TAFA4: variants seen among roughly 807,000 people sequenced by gnomAD.
The protein encoded by TAFA4 is TAFA chemokine like family member 4.
A neutral mutation model predicts 21.1 loss-of-function variants in TAFA4; 20 were observed. That is an observed-to-expected ratio of 0.95 (90% CI 0.67 to 1.38). TAFA4 has a LOEUF of 1.38. Ranked by LOEUF, TAFA4 falls within the 40% of genes most tolerant of loss-of-function variation. The probability of loss-of-function intolerance (pLI) is 0.00; values close to 1 mark genes in which losing one functional copy is unlikely to be tolerated. For synonymous variants in TAFA4, 71 were observed against 67.4 expected, an observed-to-expected ratio of 1.05 and a Z score of -0.26; for missense variants, 211 against 180.9, an observed-to-expected ratio of 1.17 and a Z score of -0.95.
intron 1 of TAFA4, among the ~76,000 whole-genome samples, chr3:68,925,741 T>G (rs1250273542): frequency 1.3e-5 from 2 of 152,314 alleles, no homozygotes; most frequent in Non-Finnish European, 2.9e-5. Context: ...CACTGATTTG[T>G]CATCTTTCCT....
At chr3:68,811,861 A>G (rs1703848273) in intron 3 of TAFA4, among the ~76,000 whole-genome samples, 1 of 152,142 alleles carries the variant, frequency 6.6e-6, no homozygotes, top group African/African-American at 2.4e-5. Context: ...CAACTCCAAG[A>G]CACACAATTG....
At chr3:68,742,772 T>C (rs983431140) in intron 4 of TAFA4, among the ~76,000 whole-genome samples, 3 of 152,192 alleles carry the variant, frequency 2.0e-5, no homozygotes, top group Non-Finnish European at 4.4e-5. Flanking sequence ...ATGAAAAAAC[T>C]GAGGTCCAGG....
intron 3 of TAFA4, among the ~76,000 whole-genome samples, chr3:68,824,914 G>A (rs1704192964): frequency 6.6e-6 from 1 of 152,034 alleles, no homozygotes. Context: ...TTCTCAACTC[G>A]CTGTCCGATG....
chr3:68,782,542 A>C (rs1048030844), intron 3 of TAFA4, among the ~76,000 whole-genome samples: 1 of 152,254 alleles, frequency 6.6e-6, no homozygotes, highest in Admixed American at 6.5e-5. Context: ...TCATACAATA[A>C]ATTATCCAGT....
intron 3 of TAFA4, among the ~76,000 whole-genome samples, chr3:68,791,141 T>C (rs1703353625): frequency 6.6e-6 from 1 of 152,204 alleles, no homozygotes; most frequent in South Asian, 2.1e-4. Flanking sequence ...ACACTGTCCA[T>C]GCTCTCTGCA....
intron 1 of TAFA4, among the ~76,000 whole-genome samples, chr3:68,910,454 G>A (rs4582067): frequency 0.97 from 148,092 of 152,306 alleles, 72,137 homozygotes; most frequent in Middle Eastern, 1. Context: ...TCTCCTCAAT[G>A]GCATTGAAAC....
At chr3:68,788,497 G>C (rs1703302806) in intron 3 of TAFA4, among the ~76,000 whole-genome samples, 1 of 152,118 alleles carries the variant, frequency 6.6e-6, no homozygotes, top group Non-Finnish European at 1.5e-5. Context: ...TTTACTTTTT[G>C]CTTTTGTTGC....
chr3:68,851,985 A>G (rs1704961587), intron 3 of TAFA4, among the ~76,000 whole-genome samples: 1 of 152,192 alleles, frequency 6.6e-6, no homozygotes, highest in South Asian at 2.1e-4. Context: ...CTCTGACTCT[A>G]TCTGTCTGGG....
At chr3:68,774,606 G>C (rs1575603371) in intron 3 of TAFA4, among the ~76,000 whole-genome samples, 1 of 152,114 alleles carries the variant, frequency 6.6e-6, no homozygotes, top group African/African-American at 2.4e-5. Context: ...TCAACAAATG[G>C]TATTGGGTCA....
At chr3:68,773,041 G>T (rs914900274) in intron 3 of TAFA4, among the ~76,000 whole-genome samples, 2 of 152,156 alleles carry the variant, frequency 1.3e-5, no homozygotes, top group Non-Finnish European at 2.9e-5. Context: ...TAAAAGTCAT[G>T]ATTAACTCCA....
intron 3 of TAFA4, among the ~76,000 whole-genome samples, chr3:68,806,969 G>C (rs904271354): frequency 5.9e-5 from 9 of 152,200 alleles, no homozygotes; most frequent in Non-Finnish European, 1.3e-4. Context: ...CCAGAAACTA[G>C]TCTAGGAGCT....
intron 1 of TAFA4, among the ~76,000 whole-genome samples, chr3:68,923,990 C>T (rs998018722): frequency 6.6e-6 from 1 of 152,134 alleles, no homozygotes; most frequent in Admixed American, 6.5e-5. Context: ...TGTAGGACTT[C>T]AGGAGAATTA....
chr3:68,883,029 T>G (rs953254457), intron 2 of TAFA4: 3 of 152,276 alleles, frequency 2.0e-5, no homozygotes, highest in South Asian at 2.1e-4. Context: ...CGGGCCTAGT[T>G]AGAGCTTGGA....
At chr3:68,780,557 C>G (rs1202278847) in intron 3 of TAFA4, among the ~76,000 whole-genome samples, 1 of 152,206 alleles carries the variant, frequency 6.6e-6, no homozygotes, top group Non-Finnish European at 1.5e-5. Context: ...CCTGCACAAG[C>G]TCTCTCATTC....
chr3:68,877,663 T>C (rs1466122607), intron 3 of TAFA4, among the ~76,000 whole-genome samples: 2 of 152,194 alleles, frequency 1.3e-5, no homozygotes, highest in African/African-American at 4.8e-5. Context: ...AACCTCAGTC[T>C]TCATAGAGCA....
At chr3:68,782,204 C>A (rs1463504987) in intron 3 of TAFA4, among the ~76,000 whole-genome samples, 44 of 152,232 alleles carry the variant, frequency 2.9e-4, no homozygotes, top group Admixed American at 2.8e-3. Context: ...ATAGATATTT[C>A]TCCAAAGAAG....
intron 3 of TAFA4, among the ~76,000 whole-genome samples, chr3:68,857,846 G>A (rs1175653944): frequency 6.6e-6 from 1 of 151,448 alleles, no homozygotes; most frequent in South Asian, 2.1e-4. Context: ...ACAAAGAAAA[G>A]AAGAGGTGGG....
At chr3:68,898,971 C>T (rs938739196) in intron 1 of TAFA4, among the ~76,000 whole-genome samples, 11 of 152,146 alleles carry the variant, frequency 7.2e-5, no homozygotes, top group African/African-American at 2.2e-4. Context: ...TCAGCCAAGA[C>T]CTTCCGAAGA....
intron 1 of TAFA4, among the ~76,000 whole-genome samples, chr3:68,925,771 T>C (rs1307961947): frequency 6.6e-6 from 1 of 152,210 alleles, no homozygotes; most frequent in African/African-American, 2.4e-5. Context: ...CCAGAGCACA[T>C]CTGGGTCTCA....
Sources: gnomAD v4.1 joint callset for allele counts (sites outside exome capture counted in the v4.1 genomes callset) on GRCh38, gnomAD v4.1.1 for gene constraint, MANE v1.5 for transcripts, NCBI Gene and HGNC (gene_info 2026-07-23, HGNC 2026-07-21) for gene names.